Variants in ZBTB7C observed in about 807,000 individuals in gnomAD.
The protein encoded by ZBTB7C is zinc finger and BTB domain-containing protein 7C.
A neutral mutation model predicts 25.7 loss-of-function variants in ZBTB7C; 8 were observed. The observed-to-expected ratio is 0.31, with a 90% CI of 0.18 to 0.56. The LOEUF is 0.56. Among genes scored for constraint, ZBTB7C ranks in the 20% least tolerant of loss-of-function variants. The pLI, the probability that ZBTB7C is intolerant of heterozygous loss-of-function variation, is 0.91. For synonymous variants in ZBTB7C, 394 were observed against 369.0 expected (o/e 1.07, Z -0.78); for missense variants, 824 against 855.2 (o/e 0.96, Z 0.46).
intron 3 of ZBTB7C, among the ~76,000 whole-genome samples, chr18:48,045,756 G>T (rs1400621460): frequency 2.0e-5 from 3 of 151,102 alleles, no homozygotes; most frequent in Non-Finnish European, 4.4e-5. Flanking sequence ...GCCTTGAACT[G>T]TAATGATTGG....
At chr18:48,170,659 GACACCT>G (rs1182105325) in intron 3 of ZBTB7C, among the ~76,000 whole-genome samples, 4 of 152,186 alleles carry the variant, frequency 2.6e-5, no homozygotes, top group African/African-American at 4.8e-5. Context: ...AAGAGCCATT[GACACCT>G]TAACAGAGTA....
intron 2 of ZBTB7C, among the ~76,000 whole-genome samples, chr18:48,313,078 T>C (rs892356720): frequency 5.3e-5 from 8 of 152,224 alleles, no homozygotes; most frequent in Non-Finnish European, 1.2e-4. Flanking sequence ...CCTCCTTTTG[T>C]TATAACTATC....
intron 1 of ZBTB7C, among the ~76,000 whole-genome samples, chr18:48,360,982 G>C (rs933708950): frequency 6.6e-6 from 1 of 152,122 alleles, no homozygotes; most frequent in East Asian, 1.9e-4. Context: ...GGTATGATGA[G>C]TGTGTTTCTG....
chr18:48,200,022 AAT>A (rs2042403667), intron 2 of ZBTB7C, among the ~76,000 whole-genome samples: 2 of 118,194 alleles, frequency 1.7e-5, no homozygotes, highest in African/African-American at 6.2e-5. Flanking sequence ...GTGTGTGTGT[AAT>A]TTTTTTTTGA....
intron 1 of ZBTB7C, among the ~76,000 whole-genome samples, chr18:48,387,946 C>A (rs1304757945): frequency 6.6e-6 from 1 of 152,140 alleles, no homozygotes; most frequent in African/African-American, 2.4e-5. Context: ...CCTGCCTCAG[C>A]CTCCAGAGTA....
At chr18:48,128,502 C>T (rs2039880534) in intron 3 of ZBTB7C, among the ~76,000 whole-genome samples, 1 of 152,230 alleles carries the variant, frequency 6.6e-6, no homozygotes, top group Non-Finnish European at 1.5e-5. Context: ...GGCATACATA[C>T]ACCATGGAGT....
At chr18:48,341,254 G>A (rs564588490) in intron 1 of ZBTB7C, among the ~76,000 whole-genome samples, 18 of 152,288 alleles carry the variant, frequency 1.2e-4, no homozygotes, top group African/African-American at 2.2e-4. Flanking sequence ...CTTTTCCCCC[G>A]GAGATGTGGG....
chr18:48,321,907 G>A (rs1329799574), intron 2 of ZBTB7C, among the ~76,000 whole-genome samples: 1 of 152,248 alleles, frequency 6.6e-6, no homozygotes, highest in Non-Finnish European at 1.5e-5. Flanking sequence ...GGATGCTGAT[G>A]TCTGTAAGGT....
At chr18:48,255,923 G>T (rs1412881599) in intron 2 of ZBTB7C, among the ~76,000 whole-genome samples, 2 of 152,058 alleles carry the variant, frequency 1.3e-5, no homozygotes, top group Admixed American at 1.3e-4. Flanking sequence ...TAAGGAATTT[G>T]AATACATAGC....
chr18:48,277,916 A>G (rs1297354473), intron 2 of ZBTB7C, among the ~76,000 whole-genome samples: 1 of 150,098 alleles, frequency 6.7e-6, no homozygotes, highest in African/African-American at 2.5e-5. Context: ...TGCAAGGGGG[A>G]GGAGGGATTG....
chr18:48,199,808 G>C (rs2042395392), intron 2 of ZBTB7C, among the ~76,000 whole-genome samples: 1 of 152,158 alleles, frequency 6.6e-6, no homozygotes. Context: ...TGGAGGATTA[G>C]GGAGGGATCT....
intron 1 of ZBTB7C, among the ~76,000 whole-genome samples, chr18:48,404,871 A>G (rs1185054414): frequency 6.6e-6 from 1 of 152,184 alleles, no homozygotes; most frequent in Non-Finnish European, 1.5e-5. Context: ...GATGAGCAAC[A>G]TGCCAGCCCT....
chr18:48,266,495 CA>C (rs149452855), intron 2 of ZBTB7C, among the ~76,000 whole-genome samples: 4,605 of 152,334 alleles, frequency 0.03, 113 homozygotes, highest in African/African-American at 0.063. Context: ...CTCACCCAGC[CA>C]AGACTTGACC....
At chr18:48,241,974 G>C (rs1042282600) in intron 2 of ZBTB7C, among the ~76,000 whole-genome samples, 1 of 152,010 alleles carries the variant, frequency 6.6e-6, no homozygotes, top group African/African-American at 2.4e-5. Flanking sequence ...GAAAAGAAGA[G>C]AGAAGATCCA....
At chr18:48,229,953 T>G (rs569752013) in intron 2 of ZBTB7C, among the ~76,000 whole-genome samples, 1 of 152,162 alleles carries the variant, frequency 6.6e-6, no homozygotes, top group South Asian at 2.1e-4. Context: ...GGGGGCTGCC[T>G]GGGAGGCAGC....
chr18:48,236,161 A>G (rs563783745), intron 2 of ZBTB7C, among the ~76,000 whole-genome samples: 4 of 152,052 alleles, frequency 2.6e-5, no homozygotes, highest in Admixed American at 1.3e-4. Flanking sequence ...TTTCATATCT[A>G]CTCGTTAGTT....
intron 3 of ZBTB7C, among the ~76,000 whole-genome samples, chr18:48,075,779 C>A (rs1225439956): frequency 1.3e-5 from 2 of 152,196 alleles, no homozygotes; most frequent in Non-Finnish European, 2.9e-5. Flanking sequence ...TCAGGTTAAA[C>A]AGAAGAGCCT....
At chr18:48,120,248 G>A (rs943423104) in intron 3 of ZBTB7C, among the ~76,000 whole-genome samples, 1 of 152,156 alleles carries the variant, frequency 6.6e-6, no homozygotes, top group Non-Finnish European at 1.5e-5. Context: ...GTGTGGGAAG[G>A]CTCCGAGCAG....
At chr18:48,135,612 C>T (rs1185421936) in intron 3 of ZBTB7C, among the ~76,000 whole-genome samples, 1 of 152,094 alleles carries the variant, frequency 6.6e-6, no homozygotes, top group Non-Finnish European at 1.5e-5. Context: ...CTTTTCTTTC[C>T]TGGAGTTTCA....
Sources: gnomAD v4.1 joint callset for allele counts (sites outside exome capture counted in the v4.1 genomes callset) on GRCh38, gnomAD v4.1.1 for gene constraint, MANE v1.5 for transcripts, NCBI Gene and HGNC (gene_info 2026-07-23, HGNC 2026-07-21) for gene names.